The following MAN1A1 variants were observed in gnomAD, a reference collection of about 807,000 sequenced individuals.
MAN1A1 encodes the protein mannosidase alpha class 1A member 1.
In MAN1A1, 29 loss-of-function variants were observed where a neutral mutation model predicts 70.8. That is an observed-to-expected ratio of 0.41 (90% confidence interval 0.31 to 0.56). The LOEUF is 0.56. MAN1A1 is among the 20% of genes least tolerant of loss of function. MAN1A1 has a pLI of 0.29. For missense variants in MAN1A1, 747 were observed against 841.3 expected, an observed-to-expected ratio of 0.89 and a Z score of 1.39; for synonymous variants, 349 against 330.1, an observed-to-expected ratio of 1.06 and a Z score of -0.62.
chr6:119,348,990 C>T lies in MAN1A1; in HGVS notation c.76G>A (p.Gly26Ser), dbSNP rs1391057460. The change falls in exon 2 of 13, where the codon GGT becomes AGT. Residue 26 changes from glycine (G) to serine (S), a missense_variant. Around this residue, in one of 2 missense-constraint regions of MAN1A1, gnomAD observed 328 missense variants for 293.1 expected, o/e 1.12. Coordinates refer to ENST00000368468, the MANE Select transcript of MAN1A1 (RefSeq NM_005907.4). Reference sequence around the variant, plus strand: ...GCGGGGCCCGACCCCTTCCTGCCACCGCCGCCGCCGAGCCCCCCGCCCAGG... The same window carrying T: ...GCGGGGCCCGACCCCTTCCTGCCACTGCCGCCGCCGAGCCCCCCGCCCAGG... ...GVLGGGLGGG[G>S]GRKGSGPAAL... The T allele has an allele frequency of 4.2e-6, 6 of 1,441,376 alleles. No homozygotes were observed. The highest frequency in any genetic ancestry group is 5.5e-6 in the Non-Finnish European group (6 of 1,094,346). 89.3% of individuals were successfully genotyped at this position (1,441,376 alleles called of 1,614,324 possible). A position where few individuals can be genotyped will look rare whatever the true frequency, so the allele number is the denominator to read the frequency against.
chr6:119,222,039 T>C (rs751425791), intron 6 of MAN1A1, among the ~76,000 whole-genome samples: 8 of 152,166 alleles, frequency 5.3e-5, no homozygotes, highest in Admixed American at 6.5e-5. Context: ...TCCTCCTTTA[T>C]GACCACAATA....
At chr6:119,321,164 T>A (rs904730997) in intron 2 of MAN1A1, among the ~76,000 whole-genome samples, 1 of 152,232 alleles carries the variant, frequency 6.6e-6, no homozygotes, top group Non-Finnish European at 1.5e-5. Flanking sequence ...CATGAAATCT[T>A]ATTTAAAATA....
intron 5 of MAN1A1, among the ~76,000 whole-genome samples, chr6:119,253,176 G>A (rs546306986): frequency 2.6e-5 from 4 of 152,120 alleles, no homozygotes; most frequent in African/African-American, 4.8e-5. Flanking sequence ...TGGATGGACC[G>A]AGAAGAACCT....
At chr6:119,332,151 C>A in intron 2 of MAN1A1, 1 of 258,550 alleles carries the variant, frequency 3.9e-6, no homozygotes. Flanking sequence ...AAATGGTATC[C>A]TGTAGTTACT....
chr6:119,194,320 C>T (rs1773512153), intron 8 of MAN1A1, among the ~76,000 whole-genome samples: 1 of 152,046 alleles, frequency 6.6e-6, no homozygotes, highest in Non-Finnish European at 1.5e-5. Context: ...CAAGAAGCTC[C>T]TCAGGTTCTT....
intron 5 of MAN1A1, among the ~76,000 whole-genome samples, chr6:119,276,351 C>T (rs529993584): frequency 6.6e-6 from 1 of 152,282 alleles, no homozygotes; most frequent in South Asian, 2.1e-4. Flanking sequence ...AAAGCAGAAA[C>T]TTTGTCTAAT....
At chr6:119,275,116 A>AT (rs551671511) in intron 5 of MAN1A1, among the ~76,000 whole-genome samples, 61 of 144,230 alleles carry the variant, frequency 4.2e-4, no homozygotes, top group East Asian at 1.2e-3. Flanking sequence ...CTGCTAGTTC[A>AT]TTTTTTTTTT....
At chr6:119,330,529 C>G (rs566546941) in intron 2 of MAN1A1, among the ~76,000 whole-genome samples, 4 of 152,244 alleles carry the variant, frequency 2.6e-5, no homozygotes, top group African/African-American at 9.6e-5. Context: ...GGATTACTGC[C>G]GAGCCTTCTA....
intron 11 of MAN1A1, among the ~76,000 whole-genome samples, chr6:119,182,237 G>GC (rs1773171293): frequency 6.6e-6 from 1 of 152,132 alleles, no homozygotes; most frequent in African/African-American, 2.4e-5. Context: ...TTCTGCTACT[G>GC]AATTGTAAGT....
intron 6 of MAN1A1, among the ~76,000 whole-genome samples, chr6:119,217,169 CA>C: frequency 6.6e-6 from 1 of 152,190 alleles, no homozygotes; most frequent in Non-Finnish European, 1.5e-5. Context: ...GGGCATTTAT[CA>C]AACTTTTAAA....
chr6:119,234,308 C>A (rs889683884), intron 6 of MAN1A1, among the ~76,000 whole-genome samples: 5 of 152,064 alleles, frequency 3.3e-5, no homozygotes, highest in African/African-American at 1.2e-4. Flanking sequence ...GTTTTTCTAC[C>A]TTATTTTAAA....
intron 5 of MAN1A1, among the ~76,000 whole-genome samples, chr6:119,271,468 T>A (rs1244237375): frequency 6.6e-6 from 1 of 152,116 alleles, no homozygotes; most frequent in African/African-American, 2.4e-5. Flanking sequence ...ATTAGCTGGA[T>A]GTCTCCAATA....
At chr6:119,291,076 T>G (rs1776529046) in intron 4 of MAN1A1, among the ~76,000 whole-genome samples, 1 of 152,082 alleles carries the variant, frequency 6.6e-6, no homozygotes. Context: ...AATCTCATCT[T>G]GTAGCTCACA....
intron 11 of MAN1A1, among the ~76,000 whole-genome samples, chr6:119,185,617 C>G (rs1333141485): frequency 1.3e-5 from 2 of 152,076 alleles, no homozygotes; most frequent in Non-Finnish European, 2.9e-5. Flanking sequence ...TGCTCTGTCC[C>G]TCAGGTTCGA....
At chr6:119,207,665 C>T (rs565526099) in intron 6 of MAN1A1, among the ~76,000 whole-genome samples, 6 of 152,254 alleles carry the variant, frequency 3.9e-5, no homozygotes, top group African/African-American at 1.4e-4. Context: ...TCATTTTTGT[C>T]TTTTAAATTC....
intron 11 of MAN1A1, among the ~76,000 whole-genome samples, chr6:119,181,143 C>T (rs1773143894): frequency 1.3e-5 from 2 of 152,258 alleles, no homozygotes; most frequent in Admixed American, 1.3e-4. Context: ...TGTTTTTGTA[C>T]TACAATGACA....
chr6:119,258,071 A>G (rs749592644), intron 5 of MAN1A1, among the ~76,000 whole-genome samples: 4 of 152,218 alleles, frequency 2.6e-5, no homozygotes, highest in Non-Finnish European at 5.9e-5. Context: ...GATGGGAATT[A>G]TGAAAGCACA....
chr6:119,304,909 A>T (rs1164469453), intron 3 of MAN1A1, among the ~76,000 whole-genome samples: 1 of 151,910 alleles, frequency 6.6e-6, no homozygotes, highest in African/African-American at 2.4e-5. Context: ...TATTACACAG[A>T]TAAGAAATTT....
intron 2 of MAN1A1, among the ~76,000 whole-genome samples, chr6:119,336,978 T>A (rs1773468866): frequency 1.3e-5 from 2 of 152,220 alleles, no homozygotes; most frequent in South Asian, 4.1e-4. Context: ...TGGCTGTAGA[T>A]ATAAACACTT....
Sources: gnomAD v4.1 joint callset for allele counts (sites outside exome capture counted in the v4.1 genomes callset) on GRCh38, gnomAD v4.1.1 for gene constraint, gnomAD v4.1.1 regional missense constraint, MANE v1.5 for transcripts, NCBI Gene and HGNC (gene_info 2026-07-23, HGNC 2026-07-21) for gene names.